The following MGAM2 variants were observed in gnomAD, a reference collection of about 807,000 sequenced individuals.
The protein encoded by MGAM2 is probable maltase-glucoamylase 2.
A neutral mutation model predicts 96.1 loss-of-function variants in MGAM2; 98 were observed. That is an observed-to-expected ratio of 1.02 (90% CI 0.87 to 1.21). The LOEUF is 1.21. Among genes scored for constraint, MGAM2 ranks in the 50% most tolerant of loss-of-function variants. The pLI is 0.00. For missense variants in MGAM2, 2,055 were observed against 1,182.4 expected, an observed-to-expected ratio of 1.74 and a Z score of -10.82; for synonymous variants, 749 against 414.8, an observed-to-expected ratio of 1.81 and a Z score of -9.79.
intron 1 of MGAM2, among the ~76,000 whole-genome samples, chr7:142,115,792 G>T (rs1817372291): frequency 6.6e-6 from 1 of 152,084 alleles, no homozygotes; most frequent in Non-Finnish European, 1.5e-5. Context: ...TTTCGGTGAG[G>T]CGAGATCGTG....
At chr7:142,138,009 G>A (rs1795110568) in intron 9 of MGAM2, among the ~76,000 whole-genome samples, 1 of 152,184 alleles carries the variant, frequency 6.6e-6, no homozygotes, top group African/African-American at 2.4e-5. Flanking sequence ...GAGGTCAGGA[G>A]GTTGAGACCA....
chr7:142,167,431 T>C lies in MGAM2; in HGVS notation c.2972T>C (p.Ile991Thr), dbSNP rs1334350706. The change falls in exon 26 of 48, where the codon ATC becomes ACC. Residue 991 changes from isoleucine (I) to threonine (T), a missense_variant. Transcript: ENST00000477922. ...AAASDSLSAK[I>T]SFLHLKVIYH... ...GCCTCTGATTCTCTCTCTGCAAAGA[T>C]CAGCTTCCTCCACCTGAAAGTGATC... is the stretch of plus-strand genomic sequence containing the variant. 1.0e-5 allele frequency: 7 copies of C among 703,024 alleles called. No homozygotes were observed. Among genetic ancestry groups the C allele is most frequent in the Admixed American group, 8.0e-5 (4 of 50,006 alleles). 43.5% of individuals were successfully genotyped at this position (703,024 alleles called of 1,614,324 possible).
intron 26 of MGAM2, 49 bp from the exon 27 acceptor site, chr7:142,170,025 GT>G (rs1429938772): frequency 6.0e-6 from 4 of 669,312 alleles, no homozygotes; most frequent in African/African-American, 1.8e-5. Flanking sequence ...GGCATGAGGG[GT>G]TTTAGGTCTG....
chr7:142,136,857 T>C (rs1795075719), intron 8 of MGAM2, among the ~76,000 whole-genome samples: 1 of 152,202 alleles, frequency 6.6e-6, no homozygotes, highest in Admixed American at 6.5e-5. Context: ...AGGGGTCTTC[T>C]TTGGTATAAT....
chr7:142,171,831 A>T (rs367817601), intron 28 of MGAM2, among the ~76,000 whole-genome samples: 2 of 151,424 alleles, frequency 1.3e-5, no homozygotes, highest in East Asian at 1.9e-4. Flanking sequence ...TAGTGAGAGA[A>T]ATAGACGCAG....
rs1230488974 is a variant in MGAM2 at position 142,220,219 on chromosome 7, C to A, written c.5708C>A (p.Pro1903His). Reference sequence around the variant, plus strand: ...GCTACTGTTCCTATCACAACCACACCTTTCCCAACAAGTACTATTGGTGTT... The same window carrying A: ...GCTACTGTTCCTATCACAACCACACATTTCCCAACAAGTACTATTGGTGTT... The part of the protein sequence containing the change: ...TNATVPITTT[P>H]FPTSTIGVTT... Residue 1903 changes from proline (P) to histidine (H), a missense_variant, in exon 48 of 48, where the codon CCT becomes CAT. Coordinates refer to ENST00000477922, the MANE Select transcript of MGAM2 (RefSeq NM_001293626.2). 2 of 702,610 alleles carry A rather than the reference C, an allele frequency of 2.8e-6. No homozygotes were observed. The highest frequency in any genetic ancestry group is 4.0e-5 in the Admixed American group (2 of 49,968). 43.5% of individuals were successfully genotyped at this position (702,610 alleles called of 1,614,324 possible).
Position 142,196,141 on chromosome 7 carries a change from C to T in MGAM2, c.4347-13C>T. 1.0e-6 allele frequency: 1 copy of T among 986,650 alleles called. No homozygotes were observed. The highest frequency in any genetic ancestry group is 1.6e-6 in the Non-Finnish European group (1 of 631,848). 61.1% of individuals were successfully genotyped at this position (986,650 alleles called of 1,614,324 possible). On this transcript the variant is annotated splice_polypyrimidine_tract_variant and intron_variant, in intron 37 of 47. Transcript: ENST00000477922. ...TGTTTCTTCAACTCACCTCTTTATT[C>T]CCCTCCCACCAGAGCTGTGCAGGAG...
At chr7:142,172,548 G>C in intron 29 of MGAM2, 104 bp from the exon 30 acceptor site, 1 of 576,896 alleles carries the variant, frequency 1.7e-6, no homozygotes, top group South Asian at 2.3e-5. Context: ...GAGAAGGCAT[G>C]TATCAAAGAC....
rs932191490 is a variant in MGAM2 at position 142,172,209 on chromosome 7, C to G, written c.3448+15C>G. 4.3e-6 allele frequency: 3 copies of G among 705,186 alleles called. No homozygotes were observed. The highest frequency in any genetic ancestry group is 7.8e-6 in the Non-Finnish European group (3 of 385,948). The allele number at this position is 705,186 out of a possible 1,614,324, so 43.7% of individuals were successfully genotyped here. On this transcript the variant is annotated intron_variant, in intron 29 of 47. Transcript: ENST00000477922. ...CAATGCCATGGGTAAGGCATAGGCACAGCTCCCATGCACCACCAGAAACAG... is the reference window on the plus strand; with the variant it reads ...CAATGCCATGGGTAAGGCATAGGCAGAGCTCCCATGCACCACCAGAAACAG...
intron 2 of MGAM2, among the ~76,000 whole-genome samples, chr7:142,119,706 A>T (rs1201030219): frequency 6.6e-6 from 1 of 152,246 alleles, no homozygotes; most frequent in Non-Finnish European, 1.5e-5. Context: ...CACACAAAAA[A>T]TGTGATTCAG....
In MGAM2 at chr7:142,147,469, C is replaced by T. The variant is rs149891305; in HGVS notation, c.1530C>T (p.His510=). 7.3e-3 allele frequency: 5,119 copies of T among 702,384 alleles called. 36 individuals carry two copies. The highest frequency in any genetic ancestry group is 0.01 in the Non-Finnish European group (3,886 of 384,736). 43.5% of individuals were successfully genotyped at this position (702,384 alleles called of 1,614,324 possible). A position where few individuals can be genotyped will look rare whatever the true frequency, so the allele number is the denominator to read the frequency against. ...ATTTCCCTCCAGGAGTTCTGGATCA[C>T]TTACTTTTTGCAAGAACTCTCTGCA... is the stretch of plus-strand genomic sequence containing the variant. ...FPPFLPRVLD[H]LLFARTLCMD... is the part of the protein sequence containing the mutation. The change falls in exon 15 of 48, where the codon CAC becomes CAT. Residue 510 remains histidine, a synonymous_variant. Transcript: ENST00000477922.
intron 46 of MGAM2, among the ~76,000 whole-genome samples, chr7:142,210,765 A>G (rs1797557361): frequency 6.6e-6 from 1 of 152,240 alleles, no homozygotes; most frequent in East Asian, 1.9e-4. Flanking sequence ...ATGCAGCTTC[A>G]GCAGACTTAA....
At position 142,155,372 on chromosome 7, in the gene MGAM2, G is replaced by A. The variant is rs199983875; in HGVS notation, c.1923+527G>A. Among the ~76,000 whole-genome samples the A allele has an allele frequency of 1.7e-4, 26 of 152,318 alleles. No individual in the cohort carries two copies. The East Asian group carries it at 5.0e-3, about 29-fold the overall frequency. ...CCAAAATAGTATTTTCGATGGGCAAGTACATGGAAGTGGGTTCAAAGTCCC... is the reference window on the plus strand; with the variant it reads ...CCAAAATAGTATTTTCGATGGGCAAATACATGGAAGTGGGTTCAAAGTCCC... On this transcript the variant is annotated intron_variant, in intron 17 of 47. Coordinates refer to ENST00000477922, the MANE Select transcript of MGAM2 (RefSeq NM_001293626.2).
intron 17 of MGAM2, 67 bp downstream of exon 17, chr7:142,154,912 T>G: frequency 1.4e-6 from 1 of 694,626 alleles, no homozygotes; most frequent in Non-Finnish European, 2.6e-6. Context: ...TTAAAGGGGA[T>G]TTGAGGAAAA....
chr7:142,183,237 A>G (rs1237828158), intron 32 of MGAM2, 29 bp from the exon 33 acceptor site: 2 of 694,824 alleles, frequency 2.9e-6, no homozygotes, highest in Admixed American at 4.1e-5. Context: ...TTTTCCTCAC[A>G]TTTGCTGTTT....
At chr7:142,205,273 A>G (rs1256975298) in intron 45 of MGAM2, among the ~76,000 whole-genome samples, 1 of 152,136 alleles carries the variant, frequency 6.6e-6, no homozygotes, top group East Asian at 1.9e-4. Context: ...ACATCTGAAT[A>G]TAAGTCCTTG....
intron 15 of MGAM2, among the ~76,000 whole-genome samples, chr7:142,150,002 C>T (rs1030792043): frequency 2.0e-5 from 3 of 149,850 alleles, no homozygotes; most frequent in African/African-American, 4.9e-5. Flanking sequence ...AGTGCAATGG[C>T]GCGATCTCAG....
chr7:142,162,965 CT>C (rs1199626899), intron 23 of MGAM2, among the ~76,000 whole-genome samples: 3 of 152,110 alleles, frequency 2.0e-5, no homozygotes, highest in Non-Finnish European at 4.4e-5. Flanking sequence ...TCCTCAGCCC[CT>C]GGCAACCAAT....
At chr7:142,204,159 T>C (rs1797326914) in intron 45 of MGAM2, among the ~76,000 whole-genome samples, 1 of 152,034 alleles carries the variant, frequency 6.6e-6, no homozygotes, top group South Asian at 2.1e-4. Flanking sequence ...TAATTACTCT[T>C]AGCAATGTTT....
Sources: allele counts gnomAD v4.1 joint callset (sites outside exome capture counted in the v4.1 genomes callset), GRCh38; gene constraint gnomAD v4.1.1; transcripts MANE v1.5; gene names NCBI Gene and HGNC (gene_info 2026-07-23, HGNC 2026-07-21).